The following TPTE2 variants were observed in gnomAD, a reference collection of about 807,000 sequenced individuals.
The protein encoded by TPTE2 is phosphatidylinositol 3,4,5-trisphosphate 3-phosphatase TPTE2.
In TPTE2, 53 loss-of-function variants were observed where a neutral mutation model predicts 78.6. That is an observed-to-expected ratio of 0.67 (90% CI 0.54 to 0.85). The LOEUF is 0.85. Among genes scored for constraint, TPTE2 ranks in the 40% least tolerant of loss-of-function variants. TPTE2 has a pLI of 0.00. For missense variants in TPTE2, 461 were observed against 623.0 expected, an observed-to-expected ratio of 0.74 and a Z score of 2.77; for synonymous variants, 175 against 206.2, an observed-to-expected ratio of 0.85 and a Z score of 1.30.
At chr13:19,529,612 G>A (rs1870739627) in intron 1 of TPTE2, among the ~76,000 whole-genome samples, 2 of 152,032 alleles carry the variant, frequency 1.3e-5, no homozygotes, top group Non-Finnish European at 2.9e-5. Flanking sequence ...CAGATATGTG[G>A]CATACCTGAC....
At chr13:19,561,532 G>A in the TPTE2 span, among the ~76,000 whole-genome samples, 10 of 152,188 alleles carry the variant, frequency 6.6e-5, no homozygotes, top group Admixed American at 2.6e-4. Context: ...GGAGAGCCAA[G>A]GAAGAGGAAG....
intron 1 of TPTE2, 83 bp from the exon 5 acceptor site, chr13:19,493,584 A>G (rs1481538546): frequency 8.3e-7 from 1 of 1,209,548 alleles, no homozygotes; most frequent in Non-Finnish European, 1.2e-6. Flanking sequence ...TCATTACTCT[A>G]GACAGAAACC....
At chr13:19,531,047 T>C (rs1007349919) in intron 1 of TPTE2, among the ~76,000 whole-genome samples, 8 of 152,174 alleles carry the variant, frequency 5.3e-5, no homozygotes, top group Admixed American at 3.3e-4. Flanking sequence ...CTAGTTTCTG[T>C]CTCTATGAAT....
intron 3 of TPTE2, among the ~76,000 whole-genome samples, chr13:19,488,965 C>G (rs1208970659): frequency 6.6e-6 from 1 of 152,130 alleles, no homozygotes. Flanking sequence ...CTTCCTTTCA[C>G]TAGGACACTC....
intron 10 of TPTE2, among the ~76,000 whole-genome samples, chr13:19,463,096 GTCTCAGC>G (rs1318425193): frequency 2.6e-5 from 4 of 150,998 alleles, no homozygotes; most frequent in Admixed American, 2.0e-4. Context: ...CAATTCTCGT[GTCTCAGC>G]CTCCCACGTA....
chr13:19,524,044 A>G (rs1416911622), intron 1 of TPTE2, among the ~76,000 whole-genome samples: 1 of 152,164 alleles, frequency 6.6e-6, no homozygotes, highest in Non-Finnish European at 1.5e-5. Context: ...TCAATAGGGG[A>G]CTTTGAAATG....
intron 13 of TPTE2, 95 bp downstream of exon 16, chr13:19,449,981 A>G: frequency 7.8e-7 from 1 of 1,275,876 alleles, no homozygotes; most frequent in Non-Finnish European, 1.1e-6. Context: ...AACAATTATT[A>G]ATACATATTA....
chr13:19,525,862 TA>T (rs1273714000), intron 1 of TPTE2, among the ~76,000 whole-genome samples: 2 of 147,902 alleles, frequency 1.4e-5, no homozygotes, highest in Admixed American at 6.7e-5. Flanking sequence ...ACAACCTCAC[TA>T]AAAAAAAAGG....
chr13:19,539,449 T>C (rs1871376519), upstream of TPTE2, among the ~76,000 whole-genome samples: 1 of 152,188 alleles, frequency 6.6e-6, no homozygotes, highest in Admixed American at 6.5e-5. Flanking sequence ...CTGTGTAAGA[T>C]GTGCCTTTGC....
At chr13:19,476,094 G>C (rs531860478) in intron 4 of TPTE2, among the ~76,000 whole-genome samples, 2 of 152,194 alleles carry the variant, frequency 1.3e-5, no homozygotes, top group East Asian at 3.9e-4. Flanking sequence ...CCTCAAACTA[G>C]ACACCTAGTG....
intron 1 of TPTE2, among the ~76,000 whole-genome samples, chr13:19,494,078 C>T (rs570131677): frequency 1.3e-5 from 2 of 152,310 alleles, no homozygotes; most frequent in South Asian, 4.1e-4. Flanking sequence ...AGTACTCCTA[C>T]TTCCTCCTCA....
chr13:19,474,584 G>C (rs1879824586), intron 5 of TPTE2, among the ~76,000 whole-genome samples: 1 of 152,182 alleles, frequency 6.6e-6, no homozygotes, highest in Non-Finnish European at 1.5e-5. Flanking sequence ...TTTTCAACAA[G>C]TCCATGATTC....
intron 1 of TPTE2, among the ~76,000 whole-genome samples, chr13:19,518,690 T>C (rs1869956792): frequency 6.6e-6 from 1 of 152,232 alleles, no homozygotes; most frequent in Non-Finnish European, 1.5e-5. Context: ...GTTTGACAGT[T>C]TCTTAAGAAG....
chr13:19,552,959 GA>G, the TPTE2 span, among the ~76,000 whole-genome samples: 2 of 149,480 alleles, frequency 1.3e-5, no homozygotes, highest in Admixed American at 1.4e-4. Context: ...CTACTGGAAA[GA>G]AAAAAATAAA....
intron 10 of TPTE2, among the ~76,000 whole-genome samples, chr13:19,456,045 TAAAG>T (rs1310227755): frequency 6.6e-6 from 1 of 151,994 alleles, no homozygotes; most frequent in African/African-American, 2.4e-5. Context: ...GATAATTCAA[TAAAG>T]AAAGAAAAAA....
At chr13:19,509,430 G>A (rs1869285208) in intron 1 of TPTE2, among the ~76,000 whole-genome samples, 1 of 151,994 alleles carries the variant, frequency 6.6e-6, no homozygotes, top group African/African-American at 2.4e-5. Context: ...TGTACAAGAA[G>A]GGAGCATAAC....
chr13:19,443,512 T>C (rs973511225), intron 13 of TPTE2, among the ~76,000 whole-genome samples: 1 of 151,792 alleles, frequency 6.6e-6, no homozygotes, highest in African/African-American at 2.4e-5. Flanking sequence ...TTCAAGTGAT[T>C]CTCGTGCCTC....
intron 1 of TPTE2, 147 bp downstream of exon 4, chr13:19,503,077 T>G: frequency 9.2e-7 from 1 of 1,091,846 alleles, no homozygotes; most frequent in Non-Finnish European, 1.4e-6. Flanking sequence ...ACTGTGTGCA[T>G]GGGTTAGTGG....
chr13:19,528,496 T>C (rs1262815267), intron 1 of TPTE2, among the ~76,000 whole-genome samples: 1 of 152,188 alleles, frequency 6.6e-6, no homozygotes, highest in East Asian at 1.9e-4. Flanking sequence ...AATTTACTAA[T>C]TTTTATTTTA....
Sources: gnomAD v4.1 joint callset for allele counts (sites outside exome capture counted in the v4.1 genomes callset) on GRCh38, gnomAD v4.1.1 for gene constraint, MANE v1.5 for transcripts, NCBI Gene and HGNC (gene_info 2026-07-23, HGNC 2026-07-21) for gene names.